The following RARG variants were observed in gnomAD, a reference collection of about 807,000 sequenced individuals.
The protein encoded by RARG is RAR-gamma.
A neutral mutation model predicts 43.7 loss-of-function variants in RARG; 17 were observed. That is an observed-to-expected ratio of 0.39 (90% CI 0.27 to 0.58). The LOEUF (loss-of-function observed/expected upper bound fraction) is 0.58. RARG is among the 20% of genes least tolerant of loss of function. The pLI, the probability that RARG is intolerant of heterozygous loss-of-function variation, is 0.57. For missense variants in RARG, 346 were observed against 598.7 expected (o/e 0.58, Z 4.40); for synonymous variants, 238 against 236.4 (o/e 1.01, Z -0.06).
rs373518494 is a variant in RARG, at chr12:53,213,069, C to A, written c.1177+16G>T. 5 of 1,601,040 alleles carry A rather than the reference C, an allele frequency of 3.1e-6. No individual in the cohort carries two copies. The African/African-American group carries it at 6.7e-5, about 21-fold the overall frequency. On this transcript the variant is annotated intron_variant, in intron 9 of 9. Transcript: ENST00000425354. This position sits in a 1 kb window ranked among gnomAD's most constrained non-coding sequence, Gnocchi z 4.7. ...GCCCTGGGAAGACAGAGAGGGGACA[C>A]CCACTCATGACTCACCCTTAGTGCT...
intron 3 of RARG, among the ~76,000 whole-genome samples, chr12:53,226,947 G>A (rs550038138): frequency 7.4e-4 from 112 of 152,172 alleles, no homozygotes; most frequent in African/African-American, 2.6e-3. Context: ...CAGGTGACTG[G>A]CCTCCCAGAC....
At chr12:53,225,314 A>C (rs115075641) in intron 3 of RARG, among the ~76,000 whole-genome samples, 3 of 152,212 alleles carry the variant, frequency 2.0e-5, no homozygotes, top group Non-Finnish European at 4.4e-5. Context: ...CAGCAGCACT[A>C]CAAAATCCCT....
chr12:53,230,836 CGT>C (rs59367849), intron 2 of RARG, among the ~76,000 whole-genome samples: 49,130 of 119,440 alleles, frequency 0.41, 8,618 homozygotes, highest in Non-Finnish European at 0.47. Flanking sequence ...GGCCACAGTG[CGT>C]GTGTGTGTGT....
intron 2 of RARG, among the ~76,000 whole-genome samples, chr12:53,228,810 A>G (rs1356425003): frequency 3.3e-5 from 5 of 152,068 alleles, no homozygotes; most frequent in African/African-American, 1.2e-4. Flanking sequence ...CCAACCTCAG[A>G]TGATCCGCCC....
intron 3 of RARG, among the ~76,000 whole-genome samples, chr12:53,226,614 T>C (rs1462830790): frequency 2.7e-5 from 4 of 150,092 alleles, no homozygotes; most frequent in Non-Finnish European, 5.9e-5. Flanking sequence ...CGTGAGCCTT[T>C]TTCTTTTTTT....
chr12:53,214,779 T>G, intron 5 of RARG, 173 bp from the exon 6 acceptor site: 5 of 713,152 alleles, frequency 7.0e-6, no homozygotes, highest in East Asian at 2.9e-5. Flanking sequence ...CCCAGGCTGG[T>G]TCTCCCCAGC....
intron 3 of RARG, among the ~76,000 whole-genome samples, chr12:53,216,580 G>A (rs917519826): frequency 3.9e-5 from 6 of 152,154 alleles, no homozygotes; most frequent in Non-Finnish European, 7.4e-5. Context: ...CAGAGAAGCT[G>A]GGGAAGCAGA....
chr12:53,223,283 G>C (rs1243772699), intron 3 of RARG, among the ~76,000 whole-genome samples: 1 of 152,144 alleles, frequency 6.6e-6, no homozygotes, highest in East Asian at 1.9e-4. Context: ...TCAAAGTAAA[G>C]CAGGCCCTGC....
At chr12:53,225,766 A>T (rs879500852) in intron 3 of RARG, among the ~76,000 whole-genome samples, 1 of 152,072 alleles carries the variant, frequency 6.6e-6, no homozygotes, top group Middle Eastern at 3.2e-3. Context: ...CTGGGAGGAG[A>T]GGGGTCCCAG....
chr12:53,224,787 G>GC (rs1288259716), intron 3 of RARG, among the ~76,000 whole-genome samples: 1 of 150,578 alleles, frequency 6.6e-6, no homozygotes, highest in Non-Finnish European at 1.5e-5. Flanking sequence ...CCAGCTACCT[G>GC]CCCTGGCTCT....
chr12:53,212,733 T>TACACAC (rs1168228129), intron 9 of RARG, among the ~76,000 whole-genome samples: 11 of 130,878 alleles, frequency 8.4e-5, no homozygotes, highest in African/African-American at 3.4e-4. Flanking sequence ...TCTAAATATA[T>TACACAC]ATATACACAC....
chr12:53,220,571 A>C (rs187051137), intron 3 of RARG, among the ~76,000 whole-genome samples: 3 of 152,230 alleles, frequency 2.0e-5, no homozygotes, highest in Non-Finnish European at 2.9e-5. Flanking sequence ...AATATGCAAG[A>C]GTGAACATAC....
At chr12:53,230,114 G>C (rs949217800) in intron 2 of RARG, 1 of 395,906 alleles carries the variant, frequency 2.5e-6, no homozygotes, top group Admixed American at 6.4e-5. Context: ...GGAATTGAAG[G>C]CAGTGCAGAG....
In RARG at chr12:53,227,934, T is replaced by G. The variant is rs925479666; in HGVS notation, c.-142-247A>C. 6.6e-6 allele frequency among the ~76,000 whole-genome samples: 1 copy of G among 152,180 alleles called. No individual in the cohort carries two copies. The highest frequency in any genetic ancestry group is 2.4e-5 in the African/African-American group (1 of 41,428). ...CAAGGTGAATGATGGTCTAAGGACT[T>G]CTGGTGGAGAGAACTCCTAGATTGG... On this transcript the variant is annotated intron_variant, in intron 2 of 9. Transcript: ENST00000425354. The surrounding 1 kb of genome is among the most constrained non-coding windows in gnomAD (Gnocchi z 4.3).
intron 3 of RARG, among the ~76,000 whole-genome samples, chr12:53,223,523 G>GCCCCCCC (rs139275762): frequency 1.9e-5 from 2 of 103,696 alleles, no homozygotes; most frequent in African/African-American, 7.0e-5. Flanking sequence ...GGCTCCCCCC[G>GCCCCCCC]CCCCCCCCCC....
chr12:53,221,260 T>C (rs892711387), intron 3 of RARG, among the ~76,000 whole-genome samples: 12 of 148,770 alleles, frequency 8.1e-5, no homozygotes, highest in Non-Finnish European at 1.5e-4. Context: ...CCCCGAAGCC[T>C]TATCCCGCAA....
intron 2 of RARG, among the ~76,000 whole-genome samples, chr12:53,228,547 T>C (rs1943162000): frequency 1.3e-5 from 2 of 152,188 alleles, no homozygotes; most frequent in Non-Finnish European, 2.9e-5. Context: ...CAATTCTTCC[T>C]GTCTCCAATT....
At chr12:53,216,899 T>C (rs756747889) in intron 3 of RARG, among the ~76,000 whole-genome samples, 9 of 150,918 alleles carry the variant, frequency 6.0e-5, no homozygotes, top group Non-Finnish European at 1.0e-4. Context: ...AATTTGTAAA[T>C]TATTCAACCT....
chr12:53,211,645 AC>A lies in RARG; in HGVS notation c.*30del, dbSNP rs1484307800. On this transcript the variant is annotated 3_prime_UTR_variant, in exon 10 of 10. Transcript: ENST00000425354. This position sits in a 1 kb window ranked among gnomAD's most constrained non-coding sequence, Gnocchi z 4.6. ...GGTCAGTCTGCTGCCTGAAGCCCCA[AC>A]CCCCACAGCGGGGAGGTCAGGGGCC... The A allele has an allele frequency of 7.0e-7, 1 of 1,420,348 alleles. No homozygotes were observed. 88.0% of individuals were successfully genotyped at this position (1,420,348 alleles called of 1,614,324 possible).
Sources: gnomAD v4.1 joint callset for allele counts (sites outside exome capture counted in the v4.1 genomes callset) on GRCh38, gnomAD v4.1.1 for gene constraint, Gnocchi (gnomAD v3.1) non-coding constraint, MANE v1.5 for transcripts, NCBI Gene and HGNC (gene_info 2026-07-23, HGNC 2026-07-21) for gene names.